The following COBLL1 variants were observed in gnomAD, a reference collection of about 807,000 sequenced individuals.
COBLL1 encodes the protein cordon-bleu protein-like 1.
In COBLL1, 50 loss-of-function variants were observed where a neutral mutation model predicts 94.8. The ratio of observed to expected loss-of-function variants is 0.53; its 90% confidence interval spans 0.42 to 0.67. COBLL1 has a LOEUF of 0.67. Ranked by LOEUF, COBLL1 falls within the 30% of genes least tolerant of loss-of-function variation. COBLL1 has a pLI of 0.00. For synonymous variants in COBLL1, 448 were observed against 473.8 expected (o/e 0.95, Z 0.71); for missense variants, 1,362 against 1,348.7 (o/e 1.01, Z -0.15).
At chr2:164,768,515 G>A (rs1199736085) in intron 2 of COBLL1, among the ~76,000 whole-genome samples, 1 of 151,716 alleles carries the variant, frequency 6.6e-6, no homozygotes, top group Non-Finnish European at 1.5e-5. Context: ...CCAAAAGATT[G>A]GACACCTTTG....
At chr2:164,759,500 G>T in intron 2 of COBLL1, among the ~76,000 whole-genome samples, 1 of 151,876 alleles carries the variant, frequency 6.6e-6, no homozygotes, top group East Asian at 1.9e-4. Flanking sequence ...TAGGCCATAG[G>T]ATTAGCTATG....
intron 7 of COBLL1, among the ~76,000 whole-genome samples, chr2:164,720,296 T>TGG (rs1685379258): frequency 6.6e-6 from 1 of 151,758 alleles, no homozygotes; most frequent in Non-Finnish European, 1.5e-5. Flanking sequence ...AAAGATTACT[T>TGG]AACACAGGGG....
chr2:164,719,572 A>G (rs563782105), intron 7 of COBLL1, among the ~76,000 whole-genome samples: 2 of 152,014 alleles, frequency 1.3e-5, no homozygotes, highest in East Asian at 1.9e-4. Context: ...CATAATGCCA[A>G]TTTCTGCCTG....
chr2:164,792,341 C>T (rs1304547305), intron 2 of COBLL1, among the ~76,000 whole-genome samples: 1 of 152,024 alleles, frequency 6.6e-6, no homozygotes, highest in East Asian at 1.9e-4. Flanking sequence ...GTTGCCCAGG[C>T]TGGTCTCAAA....
chr2:164,675,432 A>C (rs1691319829), downstream of COBLL1, among the ~76,000 whole-genome samples: 1 of 152,198 alleles, frequency 6.6e-6, no homozygotes, highest in Non-Finnish European at 1.5e-5. Flanking sequence ...TGAGGCACAG[A>C]TTTTAAATTT....
intron 7 of COBLL1, among the ~76,000 whole-genome samples, chr2:164,720,887 C>A (rs767093555): frequency 6.6e-6 from 1 of 152,088 alleles, no homozygotes; most frequent in Non-Finnish European, 1.5e-5. Flanking sequence ...TATAACTTGA[C>A]AAAAACATTA....
At chr2:164,775,152 C>A (rs1688402526) in intron 2 of COBLL1, among the ~76,000 whole-genome samples, 1 of 102,014 alleles carries the variant, frequency 9.8e-6, no homozygotes, top group Admixed American at 8.6e-5. Context: ...AGAGACCCTG[C>A]CTCTTAAAAA....
intron 2 of COBLL1, among the ~76,000 whole-genome samples, chr2:164,785,021 A>AGGTG (rs1688888901): frequency 6.6e-6 from 1 of 152,136 alleles, no homozygotes; most frequent in African/African-American, 2.4e-5. Context: ...TTGAGGCTGC[A>AGGTG]GGTGGGCTCT....
intron 2 of COBLL1, among the ~76,000 whole-genome samples, chr2:164,794,572 C>T (rs918759196): frequency 3.3e-5 from 5 of 152,052 alleles, no homozygotes; most frequent in African/African-American, 4.8e-5. Context: ...TCTGACATTT[C>T]GGTGACCCTT....
At chr2:164,730,832 T>G (rs1238070740) in intron 3 of COBLL1, among the ~76,000 whole-genome samples, 1 of 152,184 alleles carries the variant, frequency 6.6e-6, no homozygotes, top group Non-Finnish European at 1.5e-5. Flanking sequence ...CACCACCACT[T>G]TTTGGCTTTA....
rs1683572791 is a variant in COBLL1 at position 164,841,008 on chromosome 2, G to A, written c.41+148C>T. ...CGGCCTCCGAGAAGGCCGGGAGGAA[G>A]CAGCCTCCCCGGCCGCGTGGAGGAC... is the stretch of plus-strand genomic sequence containing the variant. On this transcript the variant is annotated intron_variant, in intron 2 of 13. Transcript: ENST00000652658. The surrounding 1 kb of genome is among the most constrained non-coding windows in gnomAD (Gnocchi z 5.5). The A allele has an allele frequency of 2.2e-6, 2 of 890,328 alleles. No individual in the cohort carries two copies. Among genetic ancestry groups the A allele is most frequent in the Admixed American group, 8.7e-5 (2 of 22,936 alleles). The allele number at this position is 890,328 out of a possible 1,614,324, so 55.2% of individuals were successfully genotyped here. A position where few individuals can be genotyped will look rare whatever the true frequency, so the allele number is the denominator to read the frequency against.
chr2:164,801,506 T>C (rs981618688), intron 2 of COBLL1, among the ~76,000 whole-genome samples: 1 of 143,876 alleles, frequency 7.0e-6, no homozygotes, highest in African/African-American at 2.6e-5. Flanking sequence ...CCTGTAGTCC[T>C]AGCTTCTTGG....
At chr2:164,802,375 C>T (rs1339655395) in intron 2 of COBLL1, among the ~76,000 whole-genome samples, 4 of 152,122 alleles carry the variant, frequency 2.6e-5, no homozygotes, top group African/African-American at 9.7e-5. Flanking sequence ...ATAATGTAGG[C>T]TAAGATTGAA....
chr2:164,822,448 T>C (rs150885882), intron 2 of COBLL1, among the ~76,000 whole-genome samples: 1,643 of 152,262 alleles, frequency 0.011, 7 homozygotes, highest in African/African-American at 0.026. Flanking sequence ...CTCAGAAATG[T>C]TCCCCATATG....
intron 2 of COBLL1, among the ~76,000 whole-genome samples, chr2:164,818,323 T>A (rs1300503973): frequency 6.7e-6 from 1 of 149,564 alleles, no homozygotes; most frequent in East Asian, 2.0e-4. Context: ...CACGTGTGTA[T>A]GTATACATAT....
intron 2 of COBLL1, among the ~76,000 whole-genome samples, chr2:164,836,290 T>C (rs914433011): frequency 3.9e-5 from 6 of 152,160 alleles, no homozygotes. Flanking sequence ...ATGTTACACA[T>C]TACTTTGAAG....
At chr2:164,839,119 T>C (rs1348325709) in intron 2 of COBLL1, among the ~76,000 whole-genome samples, 1 of 152,174 alleles carries the variant, frequency 6.6e-6, no homozygotes, top group African/African-American at 2.4e-5. Context: ...CTTCTCTGAG[T>C]AGAATAATGT....
intron 2 of COBLL1, among the ~76,000 whole-genome samples, chr2:164,762,935 C>T (rs1439471379): frequency 6.6e-6 from 1 of 152,028 alleles, no homozygotes; most frequent in Non-Finnish European, 1.5e-5. Context: ...TGACCTTGTG[C>T]TCCGCCTGCC....
At chr2:164,700,467 G>T in intron 10 of COBLL1, 55 bp downstream of exon 10, 1 of 1,047,578 alleles carries the variant, frequency 9.5e-7, no homozygotes, top group South Asian at 1.4e-5. Flanking sequence ...TATTTCAGAA[G>T]ACTAGTATTA....
Sources: gnomAD v4.1 joint callset for allele counts (sites outside exome capture counted in the v4.1 genomes callset) on GRCh38, gnomAD v4.1.1 for gene constraint, Gnocchi (gnomAD v3.1) non-coding constraint, MANE v1.5 for transcripts, NCBI Gene and HGNC (gene_info 2026-07-23, HGNC 2026-07-21) for gene names.